The following ELK4 variants were observed in gnomAD, a reference collection of about 807,000 sequenced individuals.
ELK4 encodes ETS transcription factor ELK4, also known as ETS domain-containing protein Elk-4.
Under a neutral mutation model 29.6 loss-of-function variants are expected in ELK4, and 16 were observed. The ratio of observed to expected loss-of-function variants is 0.54; its 90% CI spans 0.37 to 0.82. ELK4 has a LOEUF of 0.82. Among genes scored for constraint, ELK4 ranks in the 40% least tolerant of loss-of-function variants. The pLI, the probability that ELK4 is intolerant of heterozygous loss-of-function variation, is 0.00. For synonymous variants in ELK4, 213 were observed against 191.1 expected (o/e 1.11, Z -0.95); for missense variants, 465 against 507.1 (o/e 0.92, Z 0.80).
rs755018012 is a variant in ELK4 at position 205,616,408 on chromosome 1, T to A, written c.*138A>T. 8.7e-5 allele frequency: 63 copies of A among 720,720 alleles called. No homozygotes were observed. Among genetic ancestry groups the A allele is most frequent in the Non-Finnish European group, 1.4e-4 (62 of 436,304 alleles). The allele number at this position is 720,720 out of a possible 1,614,324, so 44.6% of individuals were successfully genotyped here. A position where few individuals can be genotyped will look rare whatever the true frequency, so the allele number is the denominator to read the frequency against. ...CTATTCAAAGAGAATCCTAAAAAGATGTTTTCAATGGGGAATGGCAAAAAT... is the reference window on the plus strand; with the variant it reads ...CTATTCAAAGAGAATCCTAAAAAGAAGTTTTCAATGGGGAATGGCAAAAAT... On this transcript the variant is annotated 3_prime_UTR_variant, in exon 5 of 5. Coordinates refer to ENST00000357992, the MANE Select transcript of ELK4 (RefSeq NM_001973.4).
chr1:205,625,294 TA>T (rs34460220), intron 1 of ELK4, among the ~76,000 whole-genome samples: 141,377 of 148,276 alleles, frequency 0.95, 67,438 homozygotes, highest in Middle Eastern at 0.99. Context: ...CGCCTACGAC[TA>T]AAAAAAAAAA....
intron 1 of ELK4, chr1:205,626,221 C>T (rs1222241134): frequency 1.8e-6 from 1 of 544,990 alleles, no homozygotes; most frequent in African/African-American, 1.9e-5. Context: ...TCTTGACCTC[C>T]TCCTCCAAGC....
Position 205,613,259 on chromosome 1 carries a change from C to T in ELK4, c.*3287G>A, listed in dbSNP as rs927618683. ...CTGAGGCAGGAGGATCACTTGAGCC[C>T]GGGAGTTTGAGTCCACCCTGGGTAA... On this transcript the variant is annotated 3_prime_UTR_variant, in exon 5 of 5. Coordinates refer to ENST00000357992, the MANE Select transcript of ELK4 (RefSeq NM_001973.4). 2.6e-5 allele frequency: 5 copies of T among 195,544 alleles called. No homozygotes were observed. The highest frequency in any genetic ancestry group is 9.3e-5 in the African/African-American group (4 of 43,090). The allele number at this position is 195,544 out of a possible 1,614,324, so 12.1% of individuals were successfully genotyped here. A position where few individuals can be genotyped will look rare whatever the true frequency, so the allele number is the denominator to read the frequency against.
chr1:205,631,725 C>T lies in ELK4; in HGVS notation c.-103G>A. Reference sequence around the variant, plus strand: ...CCTCCTCACGCTGGAAACTCGAGGACGGCGCGGCAGCCGCTGCGACCCCCG... The same window carrying T: ...CCTCCTCACGCTGGAAACTCGAGGATGGCGCGGCAGCCGCTGCGACCCCCG... On this transcript the variant is annotated 5_prime_UTR_variant, in exon 1 of 5. Coordinates refer to ENST00000357992, the MANE Select transcript of ELK4 (RefSeq NM_001973.4). 3.1e-6 allele frequency: 1 copy of T among 321,570 alleles called. No homozygotes were observed. The highest frequency in any genetic ancestry group is 6.5e-6 in the Non-Finnish European group (1 of 153,932). The allele number at this position is 321,570 out of a possible 1,614,324, so 19.9% of individuals were successfully genotyped here.
intron 3 of ELK4, chr1:205,619,449 G>A (rs1429940393): frequency 6.6e-6 from 7 of 1,062,534 alleles, no homozygotes; most frequent in Non-Finnish European, 8.0e-6. Flanking sequence ...GAGGAATAAT[G>A]GGTAACCAAG....
intron 2 of ELK4, among the ~76,000 whole-genome samples, chr1:205,623,471 A>C (rs564713762): frequency 6.6e-6 from 1 of 151,944 alleles, no homozygotes; most frequent in African/African-American, 2.4e-5. Flanking sequence ...CACCACGCCC[A>C]GCTAACGTTT....
intron 1 of ELK4, among the ~76,000 whole-genome samples, chr1:205,627,386 G>A (rs796969430): frequency 6.6e-6 from 1 of 152,008 alleles, no homozygotes; most frequent in African/African-American, 2.4e-5. Flanking sequence ...GTGGGCGCCT[G>A]TAGTCCCAGC....
In ELK4 at chr1:205,613,260, G is replaced by A. The variant is rs189457973; in HGVS notation, c.*3286C>T. The A allele has an allele frequency of 4.6e-4, 90 of 195,882 alleles. No homozygotes were observed. The highest frequency in any genetic ancestry group is 2.0e-3 in the African/African-American group (86 of 43,218). 12.1% of individuals were successfully genotyped at this position (195,882 alleles called of 1,614,324 possible). A position where few individuals can be genotyped will look rare whatever the true frequency, so the allele number is the denominator to read the frequency against. ...TGAGGCAGGAGGATCACTTGAGCCC[G>A]GGAGTTTGAGTCCACCCTGGGTAAC... is the stretch of plus-strand genomic sequence containing the variant. On this transcript the variant is annotated 3_prime_UTR_variant, in exon 5 of 5. Transcript: ENST00000357992.
intron 4 of ELK4, among the ~76,000 whole-genome samples, chr1:205,617,249 G>A (rs903123147): frequency 6.6e-6 from 1 of 151,838 alleles, no homozygotes; most frequent in East Asian, 1.9e-4. Context: ...AATTTTAAAC[G>A]TTGGCAAAAA....
At chr1:205,624,935 C>T (rs985569270) in intron 1 of ELK4, among the ~76,000 whole-genome samples, 2 of 152,108 alleles carry the variant, frequency 1.3e-5, no homozygotes, top group African/African-American at 4.8e-5. Flanking sequence ...AATTTCAAAA[C>T]ACCTTTCTAT....
At chr1:205,626,050 T>C (rs1670451037) in intron 1 of ELK4, 6 of 1,365,042 alleles carry the variant, frequency 4.4e-6, no homozygotes, top group African/African-American at 1.4e-5. Flanking sequence ...GTCAACAATG[T>C]CATTCTGCCC....
At chr1:205,630,793 C>T (rs78202794) in intron 1 of ELK4, among the ~76,000 whole-genome samples, 12,561 of 152,134 alleles carry the variant, frequency 0.083, 812 homozygotes, top group East Asian at 0.24. Flanking sequence ...ATGAAAACAC[C>T]GCTGCCAAAC....
Position 205,619,995 on chromosome 1 carries a change from C to G in ELK4, c.1051G>C (p.Ala351Pro), listed in dbSNP as rs1670302271. The G allele has an allele frequency of 6.2e-7, 1 of 1,614,094 alleles. No individual in the cohort carries two copies. The highest frequency in any genetic ancestry group is 1.3e-5 in the African/African-American group (1 of 74,926). Residue 351 changes from alanine to proline, a missense_variant, in exon 3 of 5, where the codon GCT becomes CCT. Coordinates refer to ENST00000357992, the MANE Select transcript of ELK4 (RefSeq NM_001973.4). Reference protein sequence around the residue: ...LGILSPSLPTASLTPAFFSQT... With the variant: ...LGILSPSLPTPSLTPAFFSQT... ...GAAAAAAATGCTGGTGTAAGAGAAG[C>G]TGTAGGGAGAGATGGGCTCAGTATT...
chr1:205,616,606 C>G lies in ELK4; in HGVS notation c.1236G>C (p.Leu412=). The G allele has an allele frequency of 6.2e-7, 1 of 1,614,142 alleles. No homozygotes were observed. The highest frequency in any genetic ancestry group is 8.5e-7 in the Non-Finnish European group (1 of 1,180,020). The change falls in exon 5 of 5, where the codon CTG becomes CTC. Residue 412 remains leucine, a synonymous_variant. Coordinates refer to ENST00000357992, the MANE Select transcript of ELK4 (RefSeq NM_001973.4). ...GGGTGGAAGGTCCATCCAGCCCAGA[C>G]AGAGTGAATGGCCCATGACTGTTCA... ...SVLNSHGPFT[L]SGLDGPSTPG...
At chr1:205,629,546 G>A (rs147131526) in intron 1 of ELK4, among the ~76,000 whole-genome samples, 4,870 of 151,990 alleles carry the variant, frequency 0.032, 110 homozygotes, top group African/African-American at 0.055. Context: ...GTGAAACCCC[G>A]TTTCTATTAA....
At chr1:205,623,069 A>T (rs528863202) in intron 2 of ELK4, among the ~76,000 whole-genome samples, 42 of 151,276 alleles carry the variant, frequency 2.8e-4, no homozygotes, top group Middle Eastern at 3.4e-3. Context: ...GAGACAGGAG[A>T]ATAGCTTGAA....
intron 2 of ELK4, among the ~76,000 whole-genome samples, chr1:205,621,193 TAAAAA>T (rs61338827): frequency 4.0e-4 from 31 of 77,450 alleles, no homozygotes; most frequent in East Asian, 2.2e-3. Context: ...GAGTCTGTCT[TAAAAA>T]AAAAAAAAAA....
chr1:205,625,610 A>G, intron 1 of ELK4: 1 of 1,235,054 alleles, frequency 8.1e-7, no homozygotes, highest in Non-Finnish European at 1.2e-6. Flanking sequence ...CTCGGATAGG[A>G]GACCTGGACC....
rs1288870973 is a variant in ELK4, at chr1:205,631,858, C to G, written c.-236G>C. The G allele has an allele frequency of 1.3e-5, 2 of 148,400 alleles. No homozygotes were observed. Among genetic ancestry groups the G allele is most frequent in the East Asian group, 3.9e-4 (2 of 5,098 alleles). The allele number at this position is 148,400 out of a possible 1,614,324, so 9.2% of individuals were successfully genotyped here. A position where few individuals can be genotyped will look rare whatever the true frequency, so the allele number is the denominator to read the frequency against. Reference sequence around the variant, plus strand: ...CCTGGCGCCCCGCCCTCCCCGCCCCCGCACGCGGCAGCGGCGGCGCGGGTC... The same window carrying G: ...CCTGGCGCCCCGCCCTCCCCGCCCCGGCACGCGGCAGCGGCGGCGCGGGTC... On this transcript the variant is annotated 5_prime_UTR_variant, in exon 1 of 5. Transcript: ENST00000357992.
Sources: gnomAD v4.1 joint callset for allele counts (sites outside exome capture counted in the v4.1 genomes callset) on GRCh38, gnomAD v4.1.1 for gene constraint, MANE v1.5 for transcripts, NCBI Gene and HGNC (gene_info 2026-07-23, HGNC 2026-07-21) for gene names.